Variants in ID3 observed in about 807,000 individuals in gnomAD.
ID3 encodes the protein inhibitor of DNA binding 3, also known as DNA-binding protein inhibitor ID-3.
Under a neutral mutation model 9.6 loss-of-function variants are expected in ID3, and 4 were observed. The ratio of observed to expected loss-of-function variants is 0.42; its 90% CI spans 0.21 to 0.96. The LOEUF (loss-of-function observed/expected upper bound fraction) is 0.96, where lower values mean the gene tolerates loss of function less well. Among genes scored for constraint, ID3 ranks in the 40% least tolerant of loss-of-function variants. ID3 has a pLI of 0.30. For missense variants in ID3, 191 were observed against 164.5 expected (o/e 1.16, Z -0.88); for synonymous variants, 108 against 75.2 (o/e 1.44, Z -2.26).
chr1:23,558,045 T>C lies in ID3; in HGVS notation c.*396A>G, dbSNP rs1643668333. On this transcript the variant is annotated 3_prime_UTR_variant, in exon 3 of 3. Coordinates refer to ENST00000374561, the MANE Select transcript of ID3 (RefSeq NM_002167.5). The stretch of plus-strand genomic sequence containing the variant: ...TAAAAAAGGTACAAAACCTATATAC[T>C]CTATTATAGAGTTCATAAATCAGGG... 6.6e-6 allele frequency: 1 copy of C among 152,578 alleles called. No homozygotes were observed. Among genetic ancestry groups the C allele is most frequent in the Admixed American group, 6.5e-5 (1 of 15,272 alleles). The allele number at this position is 152,578 out of a possible 1,614,324, so 9.5% of individuals were successfully genotyped here.
In ID3 at chr1:23,558,037, C is replaced by T. The variant is rs190959912; in HGVS notation, c.*404G>A. 5.2e-5 allele frequency: 8 copies of T among 152,738 alleles called. No individual in the cohort carries two copies. The highest frequency in any genetic ancestry group is 3.9e-4 in the East Asian group (2 of 5,192). 9.5% of individuals were successfully genotyped at this position (152,738 alleles called of 1,614,324 possible). A position where few individuals can be genotyped will look rare whatever the true frequency, so the allele number is the denominator to read the frequency against. On this transcript the variant is annotated 3_prime_UTR_variant, in exon 3 of 3. Coordinates refer to ENST00000374561, the MANE Select transcript of ID3 (RefSeq NM_002167.5). ...CCTTCCTGTAAAAAAGGTACAAAAC[C>T]TATATACTCTATTATAGAGTTCATA... is the stretch of plus-strand genomic sequence containing the variant.
chr1:23,559,238 C>G lies in ID3; in HGVS notation c.189G>C (p.Gln63His), dbSNP rs754016671. Reference protein sequence around the residue: ...ELVPGVPRGTQLSQVEILQRV... With the variant: ...ELVPGVPRGTHLSQVEILQRV... ...GCTGTAGGATTTCCACCTGGCTAAGCTGAGTGCCTCTCGGGACTCCGGGTA... is the reference window on the plus strand; with the variant it reads ...GCTGTAGGATTTCCACCTGGCTAAGGTGAGTGCCTCTCGGGACTCCGGGTA... The change falls in exon 1 of 3, where the codon CAG (glutamine) becomes CAC (histidine). Residue 63 changes from glutamine to histidine, a missense_variant. Coordinates refer to ENST00000374561, the MANE Select transcript of ID3 (RefSeq NM_002167.5). 50 of 1,614,224 alleles carry G rather than the reference C, an allele frequency of 3.1e-5. No individual in the cohort carries two copies. In the South Asian group the frequency reaches 3.6e-4, roughly 12 times the overall value.
At position 23,559,205 on chromosome 1, in the gene ID3, G is replaced by A. The variant is rs766082863; in HGVS notation, c.222C>T (p.Ile74=). The change falls in exon 1 of 3, where the codon ATC becomes ATT. Residue 74 remains isoleucine (I), a synonymous_variant. Transcript: ENST00000374561. ...CTACCTGCAGGTCGAGAATGTAGTCGATGACGCGCTGTAGGATTTCCACCT... is the reference window on the plus strand; with the variant it reads ...CTACCTGCAGGTCGAGAATGTAGTCAATGACGCGCTGTAGGATTTCCACCT... ...LSQVEILQRV[I]DYILDLQVVL... 21 of 1,614,068 alleles carry A rather than the reference G, an allele frequency of 1.3e-5. No homozygotes were observed. Among genetic ancestry groups the A allele is most frequent in the Admixed American group, 6.7e-5 (4 of 60,004 alleles).
intron 2 of ID3, chr1:23,558,685 T>G (rs1438087385): frequency 2.0e-6 from 1 of 498,104 alleles, no homozygotes; most frequent in Non-Finnish European, 3.6e-6. Flanking sequence ...GACTTGTATT[T>G]AGTCGGACCC....
intron 2 of ID3, 75 bp downstream of exon 2, chr1:23,558,860 G>T: frequency 1.0e-6 from 1 of 962,106 alleles, no homozygotes; most frequent in Non-Finnish European, 1.6e-6. Flanking sequence ...CCGAGTGAGT[G>T]GCAATTTTTC....
At position 23,559,455 on chromosome 1, in the gene ID3, AAG is replaced by A; in HGVS notation, c.-31_-30del. 1 of 1,592,338 alleles carries A rather than the reference AAG, an allele frequency of 6.3e-7. No individual in the cohort carries two copies. Among genetic ancestry groups the A allele is most frequent in the South Asian group, 1.1e-5 (1 of 89,790 alleles). ...GGGGAGTGAGTCCAGAGGTGCCCCA[AAG>A]AGAAAGAAAACCAAAAGAAGTCCCG... On this transcript the variant is annotated 5_prime_UTR_variant, in exon 1 of 3. Transcript: ENST00000374561.
At chr1:23,559,050 C>G (rs374655953) in intron 1 of ID3, 31 bp from the exon 2 acceptor site, 5 of 1,613,228 alleles carry the variant, frequency 3.1e-6, no homozygotes, top group Non-Finnish European at 4.2e-6. Flanking sequence ...AAGAGTTACG[C>G]GAGGCAATCG....
At position 23,559,493 on chromosome 1, in the gene ID3, C is replaced by G; in HGVS notation, c.-67G>C. ...CCAAAAGAAGTCCCGCTACAGTGAC[C>G]TGCAACGCGCGCACGCTCGCCGCGG... On this transcript the variant is annotated 5_prime_UTR_variant, in exon 1 of 3. Coordinates refer to ENST00000374561, the MANE Select transcript of ID3 (RefSeq NM_002167.5). The G allele has an allele frequency of 2.7e-6, 4 of 1,507,422 alleles. No homozygotes were observed. The highest frequency in any genetic ancestry group is 3.6e-6 in the Non-Finnish European group (4 of 1,124,872). 93.4% of individuals were successfully genotyped at this position (1,507,422 alleles called of 1,614,324 possible). A position where few individuals can be genotyped will look rare whatever the true frequency, so the allele number is the denominator to read the frequency against.
Position 23,559,449 on chromosome 1 carries a change from G to T in ID3, c.-23C>A. ...CATGCTGGGGAGTGAGTCCAGAGGT[G>T]CCCCAAAGAGAAAGAAAACCAAAAG... On this transcript the variant is annotated 5_prime_UTR_variant, in exon 1 of 3. Coordinates refer to ENST00000374561, the MANE Select transcript of ID3 (RefSeq NM_002167.5). 1 of 1,594,394 alleles carries T rather than the reference G, an allele frequency of 6.3e-7. No individual in the cohort carries two copies. The highest frequency in any genetic ancestry group is 8.5e-7 in the Non-Finnish European group (1 of 1,169,614).
rs772588913 is a variant in ID3 at position 23,559,274 on chromosome 1, C to A, written c.153G>T (p.Leu51=). The change falls in exon 1 of 3, where the codon CTG becomes CTT. Residue 51 remains leucine (L), a synonymous_variant. Transcript: ENST00000374561. Reference sequence around the variant, plus strand: ...TCGGGACTCCGGGTACCAGTTCCCGCAGGCGGGAGTAGCAGTGGTTCATGT... The same window carrying A: ...TCGGGACTCCGGGTACCAGTTCCCGAAGGCGGGAGTAGCAGTGGTTCATGT... The part of the protein sequence containing the change: ...LDDMNHCYSR[L]RELVPGVPRG... 1 of 1,614,130 alleles carries A rather than the reference C, an allele frequency of 6.2e-7. No homozygotes were observed.
rs1643669417 is a variant in ID3, at chr1:23,558,124, C to CA, written c.*316dup. On this transcript the variant is annotated 3_prime_UTR_variant, in exon 3 of 3. Transcript: ENST00000374561. ...AAGACCAGCTCTGCCGCCGCCTTGGCATAGTTTGGAGAGCAGCCACTCCTT... is the reference window on the plus strand; with the variant it reads ...AAGACCAGCTCTGCCGCCGCCTTGGCAATAGTTTGGAGAGCAGCCACTCCTT... 1 of 152,778 alleles carries CA rather than the reference C, an allele frequency of 6.5e-6. No individual in the cohort carries two copies. Among genetic ancestry groups the CA allele is most frequent in the Non-Finnish European group, 1.5e-5 (1 of 68,178 alleles). The allele number at this position is 152,778 out of a possible 1,614,324, so 9.5% of individuals were successfully genotyped here. A position where few individuals can be genotyped will look rare whatever the true frequency, so the allele number is the denominator to read the frequency against.
intron 2 of ID3, 28 bp downstream of exon 2, chr1:23,558,907 C>T (rs1643681436): frequency 2.0e-6 from 3 of 1,498,914 alleles, no homozygotes; most frequent in African/African-American, 2.8e-5. Context: ...CCGTTTAAAC[C>T]TCCCTCTCCA....
rs1283037104 is a variant in ID3, at chr1:23,559,114, C to A, written c.300+13G>T. The stretch of plus-strand genomic sequence containing the variant: ...GCCTGGGTGTTCAGCCCTGTCCCGA[C>A]TTCGAGGCTTACCTGGATGGGAAGG... On this transcript the variant is annotated intron_variant, in intron 1 of 2. Transcript: ENST00000374561. 1 of 1,613,366 alleles carries A rather than the reference C, an allele frequency of 6.2e-7. No individual in the cohort carries two copies. Among genetic ancestry groups the A allele is most frequent in the Admixed American group, 1.7e-5 (1 of 60,008 alleles).
Position 23,559,158 on chromosome 1 carries a change from C to T in ID3, c.269G>A (p.Gly90Glu). ...GGGAAGGTGGGGGCCATCAGGGGGT[C>T]CAGGGGCTGGCTCGGCCAGGACTAC... ...LQVVLAEPAP[G>E]PPDGPHLPIQ... The change falls in exon 1 of 3, where the codon GGA (glycine) becomes GAA (glutamate). Residue 90 changes from glycine to glutamate, a missense_variant. Physicochemically the swap from Gly to Glu is moderately conservative, Grantham distance 98. Transcript: ENST00000374561. 1 of 1,614,180 alleles carries T rather than the reference C, an allele frequency of 6.2e-7. No homozygotes were observed.
In ID3 at chr1:23,559,413, C is replaced by A. The variant is rs757175117; in HGVS notation, c.14G>T (p.Ser5Ile). ...CGCCTCGTAGCAGCCGCGCACCGGG[C>A]TCAGCGCCTTCATGCTGGGGAGTGA... Reference protein sequence around the residue: MKALSPVRGCYEAVC... With the variant: MKALIPVRGCYEAVC... Residue 5 changes from serine to isoleucine, a missense_variant, in exon 1 of 3, where the codon AGC (serine) becomes ATC (isoleucine). Coordinates refer to ENST00000374561, the MANE Select transcript of ID3 (RefSeq NM_002167.5). The A allele has an allele frequency of 5.0e-6, 8 of 1,612,038 alleles. No homozygotes were observed. The South Asian group carries it at 7.7e-5, about 16-fold the overall frequency.
chr1:23,558,884 A>C (rs1374302789), intron 2 of ID3, 51 bp downstream of exon 2: 4 of 1,290,492 alleles, frequency 3.1e-6, no homozygotes, highest in Non-Finnish European at 3.3e-6. Context: ...ACGTCTGCCA[A>C]CTCCAGGACT....
At chr1:23,558,764 C>T in intron 2 of ID3, 171 bp downstream of exon 2, 1 of 600,968 alleles carries the variant, frequency 1.7e-6, no homozygotes, top group Middle Eastern at 4.5e-4. Flanking sequence ...GGCTTAAATG[C>T]ACATCACATG....
chr1:23,559,174 C>T lies in ID3; in HGVS notation c.253G>A (p.Ala85Thr). The T allele has an allele frequency of 5.0e-6, 8 of 1,614,174 alleles. No individual in the cohort carries two copies. Among genetic ancestry groups the T allele is most frequent in the Non-Finnish European group, 6.8e-6 (8 of 1,180,038 alleles). Residue 85 changes from alanine (A) to threonine (T), a missense_variant, in exon 1 of 3, where the codon GCC becomes ACC. Ala to Thr is a moderately conservative substitution (Grantham distance 58). Coordinates refer to ENST00000374561, the MANE Select transcript of ID3 (RefSeq NM_002167.5). ...DYILDLQVVL[A>T]EPAPGPPDGP... is the part of the protein sequence containing the mutation. ...TCAGGGGGTCCAGGGGCTGGCTCGG[C>T]CAGGACTACCTGCAGGTCGAGAATG...
At position 23,559,358 on chromosome 1, in the gene ID3, G is replaced by C. The variant is rs777519760; in HGVS notation, c.69C>G (p.Ala23=). 11 of 1,613,290 alleles carry C rather than the reference G, an allele frequency of 6.8e-6. No individual in the cohort carries two copies. Among genetic ancestry groups the C allele is most frequent in the Non-Finnish European group, 9.3e-6 (11 of 1,180,022 alleles). Reference sequence around the variant, plus strand: ...GGCCCTTCCCTCGGCCCCGGGCGATGGCCAGACTGCGTTCCGACAGGCAGC... The same window carrying C: ...GGCCCTTCCCTCGGCCCCGGGCGATCGCCAGACTGCGTTCCGACAGGCAGC... ...AVCCLSERSL[A]IARGRGKGPA... Residue 23 remains alanine (A), a synonymous_variant, in exon 1 of 3, where the codon GCC becomes GCG. Transcript: ENST00000374561.
Sources: gnomAD v4.1 joint callset for allele counts on GRCh38, gnomAD v4.1.1 for gene constraint, MANE v1.5 for transcripts, NCBI Gene and HGNC (gene_info 2026-07-23, HGNC 2026-07-21) for gene names.